SLK: variants seen among roughly 807,000 people sequenced by gnomAD.
SLK encodes STE20-like serine/threonine-protein kinase.
SLK carries 67 observed loss-of-function variants against 147.7 expected under a neutral mutation model. The ratio of observed to expected loss-of-function variants is 0.45; its 90% CI spans 0.37 to 0.56. SLK has a LOEUF of 0.56. Ranked by LOEUF, SLK falls within the 20% of genes least tolerant of loss-of-function variation. The probability of loss-of-function intolerance (pLI) is 0.00; values close to 1 mark genes in which losing one functional copy is unlikely to be tolerated. For missense variants in SLK, 1,136 were observed against 1,438.8 expected (o/e 0.79, Z 3.41); for synonymous variants, 441 against 475.0 (o/e 0.93, Z 0.93).
chr10:104,007,355 T>C (rs1308717032), intron 11 of SLK, among the ~76,000 whole-genome samples: 12 of 152,166 alleles, frequency 7.9e-5, no homozygotes, highest in African/African-American at 2.9e-4. Context: ...CCTGTAATCC[T>C]AGCACTTTGG....
rs763089478 is a variant in SLK, at chr10:104,010,863, C to T, written c.2832C>T (p.Leu944=). The change falls in exon 13 of 19, where the codon CTC becomes CTT. Residue 944 remains leucine (L), a synonymous_variant. Transcript: ENST00000369755. ...EKAPKELRKE[L]MKRRKEELAQ... ...CACCCAAAGAGCTGAGAAAAGAGCT[C>T]ATGAAACGCAGGAAAGAGGAGCTTG... 1 of 1,599,620 alleles carries T rather than the reference C, an allele frequency of 6.3e-7. No homozygotes were observed. The highest frequency in any genetic ancestry group is 2.3e-5 in the East Asian group (1 of 44,094).
intron 7 of SLK, among the ~76,000 whole-genome samples, chr10:104,000,369 AT>A (rs1424213835): frequency 6.6e-6 from 1 of 152,246 alleles, no homozygotes; most frequent in African/African-American, 2.4e-5. Context: ...TAATATATTA[AT>A]TAAAAATTGT....
chr10:104,005,125 T>G lies in SLK; in HGVS notation c.2350-436T>G, dbSNP rs141799316. 4.5e-4 allele frequency among the ~76,000 whole-genome samples: 68 copies of G among 152,312 alleles called. 1 individual carries two copies. The highest frequency in any genetic ancestry group is 8.4e-4 in the Non-Finnish European group (57 of 68,014). On this transcript the variant is annotated intron_variant, in intron 9 of 18. Coordinates refer to ENST00000369755, the MANE Select transcript of SLK (RefSeq NM_014720.4). Reference sequence around the variant, plus strand: ...CTCAGACCTGTCAATTTAGTTTTTTTTTAAGAGATGAGCCCCACAAATTCA... The same window carrying G: ...CTCAGACCTGTCAATTTAGTTTTTTGTTAAGAGATGAGCCCCACAAATTCA...
rs1056126996 is a variant in SLK, at chr10:104,018,735, A to G, written c.3008-49A>G. On this transcript the variant is annotated intron_variant, in intron 14 of 18. Coordinates refer to ENST00000369755, the MANE Select transcript of SLK (RefSeq NM_014720.4). ...AATATTAAAATGAAGAGCAAAGTAC[A>G]TTAGTAAAAAAAGAGCAAAGTGACA... is the stretch of plus-strand genomic sequence containing the variant. 4.4e-6 allele frequency: 7 copies of G among 1,574,640 alleles called. No individual in the cohort carries two copies. The African/African-American group carries it at 5.5e-5, about 12-fold the overall frequency.
chr10:104,021,175 A>G (rs1844528781), intron 17 of SLK, among the ~76,000 whole-genome samples: 1 of 152,204 alleles, frequency 6.6e-6, no homozygotes, highest in Non-Finnish European at 1.5e-5. Context: ...GTGGGTATCT[A>G]TATATTTGCT....
intron 13 of SLK, among the ~76,000 whole-genome samples, 199 bp downstream of exon 13, chr10:104,011,107 A>C (rs1284799335): frequency 2.0e-5 from 3 of 152,242 alleles, no homozygotes; most frequent in Non-Finnish European, 2.9e-5. Context: ...ATATGAAGTT[A>C]AGTGGAATGT....
chr10:103,968,988 G>A (rs1843757150), intron 1 of SLK, among the ~76,000 whole-genome samples: 1 of 151,156 alleles, frequency 6.6e-6, no homozygotes, highest in African/African-American at 2.4e-5. Flanking sequence ...TTTTTTTTGA[G>A]ACGGAGTTTC....
intron 1 of SLK, among the ~76,000 whole-genome samples, chr10:103,970,705 T>G (rs990128732): frequency 2.0e-5 from 3 of 152,206 alleles, no homozygotes; most frequent in African/African-American, 7.2e-5. Flanking sequence ...CTTAACATAG[T>G]ACGTAGTAGT....
In SLK at chr10:103,990,795, A is replaced by G. The variant is rs1179335957; in HGVS notation, c.271A>G (p.Ile91Val). The change falls in exon 2 of 19, where the codon ATA (isoleucine) becomes GTA (valine). Residue 91 changes from isoleucine (I) to valine (V), a missense_variant. Around this residue, in one of 6 missense-constraint regions of SLK, gnomAD observed 126 missense variants for 141.3 expected, o/e 0.89. Coordinates refer to ENST00000369755, the MANE Select transcript of SLK (RefSeq NM_014720.4). ...DILASCDHPN[I>V]VKLLDAFYYE... ...ATTAGCATCTTGTGATCACCCAAAT[A>G]TAGTCAAGCTTCTAGATGCCTTCTA... is the stretch of plus-strand genomic sequence containing the variant. 2 of 1,547,712 alleles carry G rather than the reference A, an allele frequency of 1.3e-6. No individual in the cohort carries two copies. The highest frequency in any genetic ancestry group is 2.1e-5 in the Admixed American group (1 of 47,408).
In SLK at chr10:104,028,073, C is replaced by T. The variant is rs2134548635; in HGVS notation, c.*2353C>T. ...TACGCTGTTTGTACCCATACCAGCC[C>T]ACCTCTTCTGAGGCCCTGTATTCAA... is the stretch of plus-strand genomic sequence containing the variant. On this transcript the variant is annotated 3_prime_UTR_variant, in exon 19 of 19. Coordinates refer to ENST00000369755, the MANE Select transcript of SLK (RefSeq NM_014720.4). 6.6e-6 allele frequency: 1 copy of T among 152,258 alleles called. No homozygotes were observed. The highest frequency in any genetic ancestry group is 2.1e-4 in the South Asian group (1 of 4,816). 9.4% of individuals were successfully genotyped at this position (152,258 alleles called of 1,614,324 possible).
At chr10:103,969,288 C>G (rs974053125) in intron 1 of SLK, among the ~76,000 whole-genome samples, 2 of 152,160 alleles carry the variant, frequency 1.3e-5, no homozygotes. Flanking sequence ...TTTCTAAGCA[C>G]CATTACACTT....
In SLK at chr10:103,992,573, CTTT is replaced by C. The variant is rs35624310; in HGVS notation, c.316-11_316-9del. 15,546 of 1,183,348 alleles carry C rather than the reference CTTT, an allele frequency of 0.013. No individual in the cohort carries two copies. Among genetic ancestry groups the C allele is most frequent in the Admixed American group, 0.033 (936 of 28,036 alleles). The allele number at this position is 1,183,348 out of a possible 1,614,324, so 73.3% of individuals were successfully genotyped here. A position where few individuals can be genotyped will look rare whatever the true frequency, so the allele number is the denominator to read the frequency against. On this transcript the variant is annotated intron_variant, in intron 2 of 18. Transcript: ENST00000369755. Reference sequence around the variant, plus strand: ...AACTCCATGTAGTTTTAGACACACGCTTTTTTTTTTTTTTTTGCATGCAGATCC... The same window carrying C: ...AACTCCATGTAGTTTTAGACACACGCTTTTTTTTTTTTTGCATGCAGATCC...
In SLK at chr10:103,999,205, T is replaced by C. The variant is rs1198475381; in HGVS notation, c.674T>C (p.Leu225Ser). 11 of 1,613,762 alleles carry C rather than the reference T, an allele frequency of 6.8e-6. No individual in the cohort carries two copies. The highest frequency in any genetic ancestry group is 9.3e-6 in the Non-Finnish European group (11 of 1,179,746). Reference protein sequence around the residue: ...KADVWSLGITLIEMAEIEPPH... With the variant: ...KADVWSLGITSIEMAEIEPPH... Reference sequence around the variant, plus strand: ...GATGTTTGGTCCCTGGGTATCACTTTAATAGAAATGGCTGAGATAGAACCA... The same window carrying C: ...GATGTTTGGTCCCTGGGTATCACTTCAATAGAAATGGCTGAGATAGAACCA... The change falls in exon 6 of 19, where the codon TTA becomes TCA. Residue 225 changes from leucine to serine, a missense_variant. Physicochemically the swap from Leu to Ser is moderately radical, Grantham distance 145. This residue lies in a region of SLK where 141 missense variants were observed against 219.3 expected (regional missense o/e 0.64). Transcript: ENST00000369755.
intron 1 of SLK, among the ~76,000 whole-genome samples, chr10:103,980,929 T>G (rs11817445): frequency 0.019 from 2,895 of 152,276 alleles, 60 homozygotes; most frequent in African/African-American, 0.051. Flanking sequence ...TGTACCAATT[T>G]TACATTTCCA....
In SLK at chr10:103,999,209, A is replaced by G; in HGVS notation, c.678A>G (p.Ile226Met). 6.2e-7 allele frequency: 1 copy of G among 1,613,866 alleles called. No individual in the cohort carries two copies. Among genetic ancestry groups the G allele is most frequent in the South Asian group, 1.1e-5 (1 of 91,068 alleles). Residue 226 changes from isoleucine to methionine, a missense_variant, in exon 6 of 19, where the codon ATA becomes ATG. Physicochemically the swap from Ile to Met is conservative, Grantham distance 10 (BLOSUM62 1). Around this residue, in one of 6 missense-constraint regions of SLK, gnomAD observed 141 missense variants for 219.3 expected, o/e 0.64. Transcript: ENST00000369755. ...TTTGGTCCCTGGGTATCACTTTAAT[A>G]GAAATGGCTGAGATAGAACCACCTC... ...ADVWSLGITL[I>M]EMAEIEPPHH...
chr10:104,001,633 C>T (rs1844249613), intron 8 of SLK, 61 bp downstream of exon 8: 3 of 1,579,714 alleles, frequency 1.9e-6, no homozygotes, highest in African/African-American at 1.4e-5. Context: ...GGTGTAGTTG[C>T]TCCTGTATCT....
chr10:103,997,035 A>G (rs975922964), intron 4 of SLK, among the ~76,000 whole-genome samples: 1 of 152,048 alleles, frequency 6.6e-6, no homozygotes, highest in African/African-American at 2.4e-5. Context: ...ACCTCTTTTC[A>G]TCTTGCAGCA....
chr10:104,002,435 C>G lies in SLK; in HGVS notation c.1257C>G (p.Ile419Met). Residue 419 changes from isoleucine to methionine, a missense_variant, in exon 9 of 19, where the codon ATC becomes ATG. Around this residue, in one of 6 missense-constraint regions of SLK, gnomAD observed 516 missense variants for 531.3 expected, o/e 0.97. Transcript: ENST00000369755. ...AACTCCATGACAGAACAGCAGTAAT[C>G]AAGGAGAATGAAAGAGAGAAGAGGC... ...MTELHDRTAV[I>M]KENEREKRPK... 2 of 1,613,868 alleles carry G rather than the reference C, an allele frequency of 1.2e-6. No homozygotes were observed. The highest frequency in any genetic ancestry group is 1.7e-6 in the Non-Finnish European group (2 of 1,179,994).
chr10:104,009,623 A>G (rs2134511550), intron 12 of SLK, among the ~76,000 whole-genome samples: 1 of 152,256 alleles, frequency 6.6e-6, no homozygotes, highest in Admixed American at 6.5e-5. Context: ...TTTTTGAGAT[A>G]TTCTTTATCT....
Sources: gnomAD v4.1 joint callset for allele counts (sites outside exome capture counted in the v4.1 genomes callset) on GRCh38, gnomAD v4.1.1 for gene constraint, gnomAD v4.1.1 regional missense constraint, MANE v1.5 for transcripts, NCBI Gene and HGNC (gene_info 2026-07-23, HGNC 2026-07-21) for gene names.